The following EPS15L1 variants were observed in gnomAD, a reference collection of about 807,000 sequenced individuals.
EPS15L1 encodes epidermal growth factor receptor substrate 15-like 1.
In EPS15L1, 43 loss-of-function variants were observed where a neutral mutation model predicts 117.1. The ratio of observed to expected loss-of-function variants is 0.37; its 90% CI spans 0.29 to 0.47. The LOEUF (loss-of-function observed/expected upper bound fraction) is 0.47, where lower values mean the gene tolerates loss of function less well. Ranked by LOEUF, EPS15L1 falls within the 20% of genes least tolerant of loss-of-function variation. The pLI is 0.99. For synonymous variants in EPS15L1, 459 were observed against 470.5 expected (o/e 0.98, Z 0.32); for missense variants, 981 against 1,164.0 (o/e 0.84, Z 2.29).
intron 22 of EPS15L1, among the ~76,000 whole-genome samples, chr19:16,374,936 A>G (rs945102985): frequency 1.3e-5 from 2 of 152,158 alleles, no homozygotes; most frequent in African/African-American, 4.8e-5. Flanking sequence ...GTATTCATGT[A>G]TATGTTCACA....
intron 22 of EPS15L1, among the ~76,000 whole-genome samples, chr19:16,372,504 T>C (rs2092239211): frequency 6.6e-6 from 1 of 152,154 alleles, no homozygotes; most frequent in South Asian, 2.1e-4. Context: ...GGAGCCCTCT[T>C]TGAAGTTCAA....
Position 16,471,962 on chromosome 19 carries a change from G to T in EPS15L1, c.-17C>A, listed in dbSNP as rs1180313263. 4 of 1,281,898 alleles carry T rather than the reference G, an allele frequency of 3.1e-6. No individual in the cohort carries two copies. Among genetic ancestry groups the T allele is most frequent in the Non-Finnish European group, 3.9e-6 (4 of 1,015,666 alleles). The allele number at this position is 1,281,898 out of a possible 1,614,324, so 79.4% of individuals were successfully genotyped here. ...CGCCGCCATCTTCCCGCGGACTCGGGCTCCGAGCGCCGGGGGAACGGGGGC... is the reference window on the plus strand; with the variant it reads ...CGCCGCCATCTTCCCGCGGACTCGGTCTCCGAGCGCCGGGGGAACGGGGGC... On this transcript the variant is annotated 5_prime_UTR_variant, in exon 1 of 24. Coordinates refer to ENST00000455140, the MANE Select transcript of EPS15L1 (RefSeq NM_001258374.3). This position sits in a 1 kb window ranked among gnomAD's most constrained non-coding sequence, Gnocchi z 4.8.
At chr19:16,428,880 A>G in intron 7 of EPS15L1, 119 bp from the exon 8 acceptor site, 1 of 741,960 alleles carries the variant, frequency 1.3e-6, no homozygotes, top group Non-Finnish European at 2.4e-6. Context: ...GACGGCAGTC[A>G]ATATACATTT....
At chr19:16,417,723 TA>T in intron 11 of EPS15L1, 86 bp from the exon 12 acceptor site, 1 of 1,268,238 alleles carries the variant, frequency 7.9e-7, no homozygotes, top group Non-Finnish European at 1.1e-6. Context: ...GGCCCAGGGA[TA>T]AAATTGTCCC....
intron 22 of EPS15L1, among the ~76,000 whole-genome samples, chr19:16,373,035 C>T (rs1389349640): frequency 1.3e-5 from 2 of 152,224 alleles, no homozygotes; most frequent in East Asian, 3.8e-4. Context: ...TGGATGGGAG[C>T]ATGGGACATC....
At chr19:16,364,560 C>T (rs1173201586) in intron 22 of EPS15L1, among the ~76,000 whole-genome samples, 5 of 152,216 alleles carry the variant, frequency 3.3e-5, no homozygotes, top group Admixed American at 2.6e-4. Flanking sequence ...AACTGCCTCA[C>T]ACCCCCACCT....
At chr19:16,453,424 G>T (rs2093165063) in intron 1 of EPS15L1, among the ~76,000 whole-genome samples, 1 of 152,048 alleles carries the variant, frequency 6.6e-6, no homozygotes, top group South Asian at 2.1e-4. Flanking sequence ...GTGTTTAAAG[G>T]CCATTTGGGC....
intron 23 of EPS15L1, 145 bp from the exon 24 acceptor site, chr19:16,355,996 G>A: frequency 9.5e-7 from 1 of 1,057,194 alleles, no homozygotes; most frequent in Non-Finnish European, 1.3e-6. Context: ...AGCATGTCTT[G>A]GCTGGGCCCA....
intron 6 of EPS15L1, among the ~76,000 whole-genome samples, chr19:16,435,883 C>T (rs927207604): frequency 1.3e-5 from 2 of 152,180 alleles, no homozygotes; most frequent in Admixed American, 6.5e-5. Context: ...CCCTCAGTCC[C>T]AGCTCTTCCA....
chr19:16,402,788 T>C (rs547345909), intron 15 of EPS15L1, among the ~76,000 whole-genome samples: 58 of 152,258 alleles, frequency 3.8e-4, no homozygotes, highest in Admixed American at 9.2e-4. Context: ...TCTCGCTATG[T>C]TGTCCAGTCT....
At chr19:16,463,143 G>A (rs1022397457) in intron 1 of EPS15L1, among the ~76,000 whole-genome samples, 3 of 152,140 alleles carry the variant, frequency 2.0e-5, no homozygotes, top group Non-Finnish European at 4.4e-5. Flanking sequence ...CTTTTTGACT[G>A]TACCTAAATG....
intron 22 of EPS15L1, among the ~76,000 whole-genome samples, chr19:16,364,925 C>T (rs1014560578): frequency 6.6e-6 from 1 of 152,232 alleles, no homozygotes; most frequent in Non-Finnish European, 1.5e-5. Context: ...CACAGGTGGG[C>T]CCCAGCACCC....
At chr19:16,407,773 G>C (rs1184726036) in intron 13 of EPS15L1, among the ~76,000 whole-genome samples, 1 of 152,140 alleles carries the variant, frequency 6.6e-6, no homozygotes, top group African/African-American at 2.4e-5. Flanking sequence ...GTTTCCTTCA[G>C]GGCAGTCTCC....
chr19:16,423,688 A>G (rs1296005568), intron 9 of EPS15L1, among the ~76,000 whole-genome samples: 1 of 152,210 alleles, frequency 6.6e-6, no homozygotes, highest in Non-Finnish European at 1.5e-5. Context: ...GAGCCTTCTC[A>G]AGTCTGGTGG....
At chr19:16,367,317 C>T (rs1205662130) in intron 22 of EPS15L1, among the ~76,000 whole-genome samples, 1 of 151,634 alleles carries the variant, frequency 6.6e-6, no homozygotes, top group African/African-American at 2.4e-5. Flanking sequence ...TGACTGCCTA[C>T]CGCAGGGAGA....
At chr19:16,388,725 G>T (rs956683961) in intron 19 of EPS15L1, among the ~76,000 whole-genome samples, 5 of 152,102 alleles carry the variant, frequency 3.3e-5, no homozygotes, top group African/African-American at 1.2e-4. Flanking sequence ...TACTCGAGAG[G>T]CTGAGGCAGG....
Position 16,418,963 on chromosome 19 carries a change from T to C in EPS15L1, c.951-859A>G, listed in dbSNP as rs557451191. ...ATGGCACTTTGTCACAGCAGCCCAA[T>C]GGTCTAAAACACTCCTCTTGTGCCC... On this transcript the variant is annotated intron_variant, in intron 10 of 23. Coordinates refer to ENST00000455140, the MANE Select transcript of EPS15L1 (RefSeq NM_001258374.3). Among the ~76,000 whole-genome samples the C allele has an allele frequency of 2.6e-5, 4 of 152,290 alleles. No homozygotes were observed. The South Asian group carries it at 8.3e-4, about 32-fold the overall frequency.
rs1029027479 is a variant in EPS15L1 at position 16,379,120 on chromosome 19, G to A, written c.2248-1866C>T. On this transcript the variant is annotated intron_variant, in intron 21 of 23. Transcript: ENST00000455140. The stretch of plus-strand genomic sequence containing the variant: ...AGATCAAGACCAGCCCAGCTAATAC[G>A]GTGAAAAACCCCATCTCTACTAAAA... Among the ~76,000 whole-genome samples the A allele has an allele frequency of 4.6e-5, 7 of 152,004 alleles. No individual in the cohort carries two copies. The East Asian group carries it at 9.6e-4, about 21-fold the overall frequency.
At chr19:16,445,090 A>G (rs757958991) in intron 1 of EPS15L1, among the ~76,000 whole-genome samples, 6 of 151,956 alleles carry the variant, frequency 3.9e-5, no homozygotes, top group Middle Eastern at 3.2e-3. Context: ...ATTCCAGTGG[A>G]AAAAAAAGAG....
Sources: allele counts gnomAD v4.1 joint callset (sites outside exome capture counted in the v4.1 genomes callset), GRCh38; gene constraint gnomAD v4.1.1; non-coding constraint Gnocchi (gnomAD v3.1); transcripts MANE v1.5; gene names NCBI Gene and HGNC (gene_info 2026-07-23, HGNC 2026-07-21).